SRGAP2: variants seen among roughly 807,000 people sequenced by gnomAD.
The protein encoded by SRGAP2 is SLIT-ROBO Rho GTPase activating protein 2.
A neutral mutation model predicts 57.2 loss-of-function variants in SRGAP2; 15 were observed. That is an observed-to-expected ratio of 0.26 (90% CI 0.18 to 0.40). SRGAP2 has a LOEUF of 0.40. SRGAP2 is among the 10% of genes least tolerant of loss of function. The probability of loss-of-function intolerance (pLI) is 1.00; values close to 1 mark genes in which losing one functional copy is unlikely to be tolerated. For missense variants in SRGAP2, 520 were observed against 669.6 expected (o/e 0.78, Z 2.47); for synonymous variants, 249 against 248.0 (o/e 1.00, Z -0.04).
intron 19 of SRGAP2, among the ~76,000 whole-genome samples, chr1:206,451,722 TTATATATG>T (rs1553376006): frequency 1.3e-5 from 2 of 152,172 alleles, no homozygotes; most frequent in Non-Finnish European, 2.9e-5. Flanking sequence ...GCTAGAGGCT[TTATATATG>T]TTATCTCTTA....
chr1:206,307,634 A>G (rs1449901755), intron 3 of SRGAP2, among the ~76,000 whole-genome samples: 2 of 152,242 alleles, frequency 1.3e-5, no homozygotes, highest in Admixed American at 6.5e-5. Flanking sequence ...GAAATCGAGC[A>G]CAGCGCCGAT....
Position 206,234,414 on chromosome 1 carries a change from C to CT in SRGAP2, c.67+28379dup, listed in dbSNP as rs1348013290. Among the ~76,000 whole-genome samples, 3 of 152,148 alleles carry CT rather than the reference C, an allele frequency of 2.0e-5. No individual in the cohort carries two copies. The South Asian group carries it at 6.2e-4, about 32-fold the overall frequency. ...GCCCTGTACTCCCCAGTGTCTAACT[C>CT]TTAACAGCTGGTGGCCATCCCTGGC... On this transcript the variant is annotated intron_variant, in intron 2 of 22. Transcript: ENST00000573034.
intron 3 of SRGAP2, among the ~76,000 whole-genome samples, chr1:206,325,457 C>T (rs1553329601): frequency 3.3e-5 from 5 of 151,358 alleles, no homozygotes; most frequent in Non-Finnish European, 7.4e-5. Flanking sequence ...GATCCTCCCA[C>T]CTCAGCCTCC....
At chr1:206,412,406 A>G (rs977859870) in intron 10 of SRGAP2, among the ~76,000 whole-genome samples, 2 of 152,216 alleles carry the variant, frequency 1.3e-5, no homozygotes, top group African/African-American at 4.8e-5. Flanking sequence ...CACTGGTCAG[A>G]CTGTGTTTTA....
intron 4 of SRGAP2, among the ~76,000 whole-genome samples, chr1:206,366,030 A>G (rs1653973488): frequency 6.6e-6 from 1 of 152,244 alleles, no homozygotes; most frequent in South Asian, 2.1e-4. Flanking sequence ...AAATATAGAG[A>G]TAAAATTTGT....
intron 2 of SRGAP2, among the ~76,000 whole-genome samples, chr1:206,242,407 G>C (rs1553309395): frequency 7.5e-5 from 10 of 133,908 alleles, no homozygotes; most frequent in East Asian, 2.2e-4. Context: ...GTCTCCCCCC[G>C]CCACCCCCTG....
chr1:206,425,097 C>T (rs1660682675), intron 13 of SRGAP2, among the ~76,000 whole-genome samples: 1 of 152,204 alleles, frequency 6.6e-6, no homozygotes, highest in African/African-American at 2.4e-5. Context: ...ATTTTGTACT[C>T]ACACAATTTG....
rs782098816 is a variant in SRGAP2 at position 206,454,965 on chromosome 1, G to T, written c.2448G>T (p.Ala816=). The change falls in exon 21 of 23, where the codon GCG becomes GCT. Residue 816 remains alanine (A), a synonymous_variant. Transcript: ENST00000573034. This position sits in a 1 kb window ranked among gnomAD's most constrained non-coding sequence, Gnocchi z 4.3. The part of the protein sequence containing the change: ...EPPEEKVTAR[A]GASCPSGGHV... ...CTGAAGAAAAGGTGACAGCCAGAGC[G>T]GGGGCCAGCTGTCCCAGTGGGGGTC... 2.6e-6 allele frequency: 2 copies of T among 780,886 alleles called. No individual in the cohort carries two copies. Among genetic ancestry groups the T allele is most frequent in the Non-Finnish European group, 4.8e-6 (2 of 417,982 alleles). 48.4% of individuals were successfully genotyped at this position (780,886 alleles called of 1,614,324 possible). A position where few individuals can be genotyped will look rare whatever the true frequency, so the allele number is the denominator to read the frequency against.
intron 2 of SRGAP2, among the ~76,000 whole-genome samples, chr1:206,255,851 G>A (rs1669151107): frequency 6.6e-6 from 1 of 151,858 alleles, no homozygotes; most frequent in African/African-American, 2.4e-5. Context: ...CTTGGGTTCT[G>A]GAACTGGACT....
intron 4 of SRGAP2, among the ~76,000 whole-genome samples, chr1:206,372,887 T>G (rs1323257627): frequency 1.2e-5 from 1 of 80,110 alleles, no homozygotes; most frequent in African/African-American, 5.0e-5. Context: ...TTCCTTTCTT[T>G]CTTTCTCTCT....
chr1:206,428,420 CAAAA>C (rs71152470), intron 13 of SRGAP2, among the ~76,000 whole-genome samples: 1 of 60,102 alleles, frequency 1.7e-5, no homozygotes, highest in Non-Finnish European at 3.7e-5. Context: ...GACTCTGTCT[CAAAA>C]AAAAAAAAAA....
At chr1:206,268,508 G>T (rs748046233) in intron 2 of SRGAP2, among the ~76,000 whole-genome samples, 70 of 152,020 alleles carry the variant, frequency 4.6e-4, no homozygotes, top group African/African-American at 1.6e-3. Context: ...AAGAATAATG[G>T]GTGTAAATGA....
At chr1:206,253,120 C>T (rs1668939684) in intron 2 of SRGAP2, among the ~76,000 whole-genome samples, 1 of 147,404 alleles carries the variant, frequency 6.8e-6, no homozygotes, top group South Asian at 2.3e-4. Context: ...TGCTCTGGAG[C>T]TGTTGAGGTC....
At position 206,438,069 on chromosome 1, in the gene SRGAP2, A is replaced by T; in HGVS notation, c.1739A>T (p.Asp580Val). Residue 580 changes from aspartate to valine, a missense_variant, in exon 16 of 23, where the codon GAC becomes GTC. Coordinates refer to ENST00000573034, the MANE Select transcript of SRGAP2 (RefSeq NM_015326.5). ...RGLEHPLFPK[D>V]IFHDLMACVT... is the part of the protein sequence containing the mutation. ...CTGGAACACCCTCTCTTCCCCAAGG[A>T]CATCTTTCATGACCTGATGGCCTGC... is the stretch of plus-strand genomic sequence containing the variant. The T allele has an allele frequency of 1.3e-6, 1 of 780,830 alleles. No individual in the cohort carries two copies. The allele number at this position is 780,830 out of a possible 1,614,324, so 48.4% of individuals were successfully genotyped here. A position where few individuals can be genotyped will look rare whatever the true frequency, so the allele number is the denominator to read the frequency against.
intron 2 of SRGAP2, among the ~76,000 whole-genome samples, chr1:206,298,600 T>G (rs1166250369): frequency 6.6e-6 from 1 of 152,140 alleles, no homozygotes; most frequent in Non-Finnish European, 1.5e-5. Flanking sequence ...ATCACTATCT[T>G]AATTTCAAAA....
intron 3 of SRGAP2, among the ~76,000 whole-genome samples, chr1:206,306,435 A>G (rs1672204558): frequency 6.6e-6 from 1 of 152,080 alleles, no homozygotes; most frequent in Non-Finnish European, 1.5e-5. Context: ...GTGAAGCTGC[A>G]GATCTTTGCG....
intron 10 of SRGAP2, among the ~76,000 whole-genome samples, chr1:206,415,577 G>C (rs1558407200): frequency 6.6e-6 from 1 of 152,112 alleles, no homozygotes; most frequent in African/African-American, 2.4e-5. Flanking sequence ...AGAAGACCAG[G>C]GCTCAATAAG....
intron 3 of SRGAP2, chr1:206,333,540 T>C (rs1392141627): frequency 3.2e-6 from 3 of 943,066 alleles, no homozygotes; most frequent in South Asian, 1.4e-5. Context: ...TATTTATTTA[T>C]TTTTTAAGAG....
intron 2 of SRGAP2, among the ~76,000 whole-genome samples, chr1:206,267,081 G>C (rs1669902459): frequency 6.7e-6 from 1 of 148,192 alleles, no homozygotes; most frequent in Non-Finnish European, 1.5e-5. Context: ...CCATTCTCCT[G>C]CCTCAGCCTC....
Sources: gnomAD v4.1 joint callset for allele counts (sites outside exome capture counted in the v4.1 genomes callset) on GRCh38, gnomAD v4.1.1 for gene constraint, Gnocchi (gnomAD v3.1) non-coding constraint, MANE v1.5 for transcripts, NCBI Gene and HGNC (gene_info 2026-07-23, HGNC 2026-07-21) for gene names.